The following ADAMTSL1 variants were observed in gnomAD, a reference collection of about 807,000 sequenced individuals.
The protein encoded by ADAMTSL1 is ADAMTS like 1, also known as ADAMTS-like protein 1.
A neutral mutation model predicts 201.8 loss-of-function variants in ADAMTSL1; 126 were observed. The observed-to-expected ratio is 0.62, with a 90% CI of 0.54 to 0.72. The LOEUF (loss-of-function observed/expected upper bound fraction) is 0.72. ADAMTSL1 is among the 30% of genes least tolerant of loss of function. The probability of loss-of-function intolerance (pLI) is 0.00; values close to 1 mark genes in which losing one functional copy is unlikely to be tolerated. For synonymous variants in ADAMTSL1, 1,121 were observed against 903.4 expected (o/e 1.24, Z -4.32); for missense variants, 2,679 against 2,277.8 (o/e 1.18, Z -3.59).
chr9:18,217,746 G>A (rs1830104349), intron 2 of ADAMTSL1, among the ~76,000 whole-genome samples: 1 of 152,162 alleles, frequency 6.6e-6, no homozygotes, highest in Non-Finnish European at 1.5e-5. Context: ...TCTTAGCCGA[G>A]ACTGATGCTG....
intron 1 of ADAMTSL1, among the ~76,000 whole-genome samples, chr9:18,131,683 C>G (rs1587123379): frequency 1.3e-5 from 2 of 152,268 alleles, no homozygotes; most frequent in East Asian, 3.9e-4. Flanking sequence ...TGTGACCTCT[C>G]TCATCATTTC....
At chr9:18,863,292 C>A (rs1827319235) in intron 23 of ADAMTSL1, among the ~76,000 whole-genome samples, 1 of 152,188 alleles carries the variant, frequency 6.6e-6, no homozygotes. Flanking sequence ...GATGGAGCTA[C>A]TTTTCATGCT....
Position 18,561,923 on chromosome 9 carries a change from A to G in ADAMTSL1, c.238-12107A>G, listed in dbSNP as rs1472761338. On this transcript the variant is annotated intron_variant, in intron 3 of 28. Transcript: ENST00000380548. ...TTTGAGCCTATGTGTGTCCTTGCATATGAGATGGGTCTCCTGAATACAGCA... is the reference window on the plus strand; with the variant it reads ...TTTGAGCCTATGTGTGTCCTTGCATGTGAGATGGGTCTCCTGAATACAGCA... Among the ~76,000 whole-genome samples, 5 of 152,204 alleles carry G rather than the reference A, an allele frequency of 3.3e-5. No individual in the cohort carries two copies. The South Asian group carries it at 8.3e-4, about 25-fold the overall frequency.
intron 2 of ADAMTSL1, among the ~76,000 whole-genome samples, chr9:18,337,911 C>T (rs1316370057): frequency 6.6e-6 from 1 of 152,066 alleles, no homozygotes; most frequent in Admixed American, 6.6e-5. Flanking sequence ...AATGGGAATT[C>T]TGGGCTCCAC....
intron 2 of ADAMTSL1, among the ~76,000 whole-genome samples, chr9:18,256,997 G>T (rs987932551): frequency 1.6e-4 from 25 of 152,150 alleles, no homozygotes; most frequent in Non-Finnish European, 1.5e-5. Context: ...TTCCATGAGA[G>T]TGGTTTTTGT....
At position 18,661,977 on chromosome 9, in the gene ADAMTSL1, A is replaced by G; in HGVS notation, c.989A>G (p.Asn330Ser). Reference protein sequence around the residue: ...TSAECYDLRSNRVVADQYCHY... With the variant: ...TSAECYDLRSSRVVADQYCHY... Reference sequence around the variant, plus strand: ...GCTGAGTGCTACGATCTGAGGAGCAACCGTGTGGTTGCTGACCAATACTGT... The same window carrying G: ...GCTGAGTGCTACGATCTGAGGAGCAGCCGTGTGGTTGCTGACCAATACTGT... The change falls in exon 9 of 29, where the codon AAC becomes AGC. Residue 330 changes from asparagine (N) to serine (S), a missense_variant. Coordinates refer to ENST00000380548, the MANE Select transcript of ADAMTSL1 (RefSeq NM_001040272.6). The G allele has an allele frequency of 6.2e-7, 1 of 1,614,052 alleles. No homozygotes were observed. The highest frequency in any genetic ancestry group is 8.5e-7 in the Non-Finnish European group (1 of 1,179,934).
At chr9:18,327,329 G>C (rs565224921) in intron 2 of ADAMTSL1, among the ~76,000 whole-genome samples, 1 of 152,206 alleles carries the variant, frequency 6.6e-6, no homozygotes, top group Non-Finnish European at 1.5e-5. Context: ...CTATTCCAAA[G>C]GAATGAACTG....
chr9:18,089,277 C>G (rs10738500), intron 1 of ADAMTSL1, among the ~76,000 whole-genome samples: 2 of 152,062 alleles, frequency 1.3e-5, no homozygotes, highest in African/African-American at 2.4e-5. Flanking sequence ...ATGGAATACT[C>G]TGCAGCCATA....
chr9:18,227,192 G>C (rs547933972), intron 2 of ADAMTSL1, among the ~76,000 whole-genome samples: 3 of 152,126 alleles, frequency 2.0e-5, no homozygotes, highest in South Asian at 4.2e-4. Context: ...TCCCTCATCT[G>C]TACTATATCC....
chr9:18,701,793 G>A (rs1831939704), intron 13 of ADAMTSL1, among the ~76,000 whole-genome samples: 1 of 152,096 alleles, frequency 6.6e-6, no homozygotes, highest in South Asian at 2.1e-4. Context: ...CACCTATAAA[G>A]CTGTTTTTAT....
intron 2 of ADAMTSL1, among the ~76,000 whole-genome samples, chr9:18,266,029 TAAA>T: frequency 6.6e-6 from 1 of 152,054 alleles, no homozygotes; most frequent in Non-Finnish European, 1.5e-5. Context: ...AAATTTAAAG[TAAA>T]AATAATTTAA....
At chr9:18,281,587 G>A (rs1002908712) in intron 2 of ADAMTSL1, among the ~76,000 whole-genome samples, 1 of 152,178 alleles carries the variant, frequency 6.6e-6, no homozygotes, top group African/African-American at 2.4e-5. Context: ...TTATTTTTGC[G>A]ATTGTCTATT....
intron 1 of ADAMTSL1, among the ~76,000 whole-genome samples, chr9:17,916,974 G>A (rs62547831): frequency 6.6e-6 from 1 of 151,872 alleles, no homozygotes; most frequent in African/African-American, 2.4e-5. Context: ...GTGTACAAGT[G>A]TTATATATTT....
intron 5 of ADAMTSL1, among the ~76,000 whole-genome samples, chr9:18,633,306 T>C (rs530587740): frequency 1.3e-5 from 2 of 152,276 alleles, no homozygotes; most frequent in African/African-American, 4.8e-5. Flanking sequence ...GTAGGCCCAG[T>C]CTCGGCCGGG....
intron 2 of ADAMTSL1, among the ~76,000 whole-genome samples, chr9:18,425,583 C>T (rs536152540): frequency 1.3e-5 from 2 of 152,260 alleles, no homozygotes; most frequent in South Asian, 4.1e-4. Context: ...GGCACAGCAG[C>T]TTGCATCTGT....
intron 2 of ADAMTSL1, among the ~76,000 whole-genome samples, chr9:18,188,380 C>A (rs1828828467): frequency 6.6e-6 from 1 of 152,122 alleles, no homozygotes; most frequent in Admixed American, 6.6e-5. Context: ...TCTTTCCTGT[C>A]TGGCTTATCC....
chr9:18,321,878 C>T (rs1162564799), intron 2 of ADAMTSL1, among the ~76,000 whole-genome samples: 1 of 152,092 alleles, frequency 6.6e-6, no homozygotes, highest in Non-Finnish European at 1.5e-5. Context: ...ACCAATGCAT[C>T]ATATGCTATA....
At chr9:17,974,926 C>A (rs1285850110) in intron 1 of ADAMTSL1, among the ~76,000 whole-genome samples, 2 of 151,928 alleles carry the variant, frequency 1.3e-5, no homozygotes, top group Admixed American at 6.6e-5. Context: ...TTTTTAATTT[C>A]TTGAGGAATC....
intron 16 of ADAMTSL1, among the ~76,000 whole-genome samples, chr9:18,767,832 A>G (rs10118309): frequency 0.15 from 22,829 of 152,214 alleles, 2,417 homozygotes; most frequent in East Asian, 0.3. Flanking sequence ...ATGAGCCACA[A>G]AGAAGACAAA....
Sources: gnomAD v4.1 joint callset for allele counts (sites outside exome capture counted in the v4.1 genomes callset) on GRCh38, gnomAD v4.1.1 for gene constraint, MANE v1.5 for transcripts, NCBI Gene and HGNC (gene_info 2026-07-23, HGNC 2026-07-21) for gene names.